The following GPHN variants were observed in gnomAD, a reference collection of about 807,000 sequenced individuals.
GPHN encodes the protein gephyrin.
GPHN carries 17 observed loss-of-function variants against 95.5 expected under a neutral mutation model. That is an observed-to-expected ratio of 0.18 (90% CI 0.12 to 0.27). GPHN has a LOEUF of 0.27. GPHN is among the 10% of genes least tolerant of loss of function. The pLI is 1.00. For missense variants in GPHN, 660 were observed against 978.1 expected, an observed-to-expected ratio of 0.67 and a Z score of 4.34; for synonymous variants, 320 against 322.5, an observed-to-expected ratio of 0.99 and a Z score of 0.08.
chr14:66,867,499 G>A (rs573419967), intron 4 of GPHN, among the ~76,000 whole-genome samples: 57 of 152,058 alleles, frequency 3.7e-4, no homozygotes, highest in African/African-American at 1.4e-3. Context: ...GGAGTTTGTC[G>A]TGGATGTAAC....
chr14:67,627,970 A>G, the GPHN span, among the ~76,000 whole-genome samples: 1 of 152,214 alleles, frequency 6.6e-6, no homozygotes, highest in African/African-American at 2.4e-5. Context: ...TTGGAAGAGT[A>G]AATGTCTAGC....
At chr14:67,568,871 G>A in the GPHN span, among the ~76,000 whole-genome samples, 3,647 of 152,206 alleles carry the variant, frequency 0.024, 156 homozygotes, top group African/African-American at 0.083. Flanking sequence ...GAACTGTTGG[G>A]CACTGATTAT....
At chr14:67,344,913 CAA>C in the GPHN span, among the ~76,000 whole-genome samples, 4 of 149,828 alleles carry the variant, frequency 2.7e-5, no homozygotes, top group Admixed American at 1.3e-4. Flanking sequence ...ACAAAAAAAA[CAA>C]GAGTGTACCA....
At chr14:66,759,755 G>C (rs2058694586) in intron 2 of GPHN, among the ~76,000 whole-genome samples, 1 of 152,130 alleles carries the variant, frequency 6.6e-6, no homozygotes, top group Non-Finnish European at 1.5e-5. Flanking sequence ...AGGCTGCTTT[G>C]ATCATATGGT....
At chr14:67,444,858 CAAGT>C in the GPHN span, among the ~76,000 whole-genome samples, 1 of 152,106 alleles carries the variant, frequency 6.6e-6, no homozygotes, top group Non-Finnish European at 1.5e-5. Context: ...CTCCTGGGTT[CAAGT>C]GATTCTCCTG....
the GPHN span, among the ~76,000 whole-genome samples, chr14:67,719,550 A>G: frequency 6.6e-6 from 1 of 152,036 alleles, no homozygotes; most frequent in Non-Finnish European, 1.5e-5. Context: ...TCATGGCTCA[A>G]TGCAGCCTCA....
At chr14:66,594,403 G>A (rs748706919) in intron 1 of GPHN, among the ~76,000 whole-genome samples, 8 of 152,116 alleles carry the variant, frequency 5.3e-5, no homozygotes, top group South Asian at 2.1e-4. Flanking sequence ...CTCATAGTGC[G>A]TGCTTTGAAA....
At chr14:66,817,436 G>A (rs1052553406) in intron 3 of GPHN, among the ~76,000 whole-genome samples, 1 of 152,038 alleles carries the variant, frequency 6.6e-6, no homozygotes. Flanking sequence ...AATATAAATT[G>A]GAAATAGTCA....
At chr14:67,415,029 C>A in the GPHN span, among the ~76,000 whole-genome samples, 1 of 152,194 alleles carries the variant, frequency 6.6e-6, no homozygotes, top group East Asian at 1.9e-4. Flanking sequence ...GAGCATCCTG[C>A]AGTGAGAGGG....
intron 18 of GPHN, among the ~76,000 whole-genome samples, chr14:67,144,250 A>AAAATATAT (rs1168342196): frequency 3.5e-4 from 20 of 57,772 alleles, no homozygotes; most frequent in South Asian, 1.5e-3. Context: ...AAAAAAAAAA[A>AAAATATAT]ATATATATAT....
At chr14:67,726,062 C>T in the GPHN span, 1 of 1,613,376 alleles carries the variant, frequency 6.2e-7, no homozygotes, top group Admixed American at 1.7e-5. Context: ...GGAAAAGCAG[C>T]TCCATATTCT....
At chr14:66,601,964 T>C (rs1420673204) in intron 1 of GPHN, among the ~76,000 whole-genome samples, 1 of 151,990 alleles carries the variant, frequency 6.6e-6, no homozygotes, top group African/African-American at 2.4e-5. Context: ...GTGATTATCA[T>C]TTCAGATTTG....
At chr14:67,080,035 C>G (rs1334781269) in intron 11 of GPHN, among the ~76,000 whole-genome samples, 1 of 152,034 alleles carries the variant, frequency 6.6e-6, no homozygotes, top group Non-Finnish European at 1.5e-5. Context: ...TTTATAACCC[C>G]ACCAGCTGTG....
chr14:66,771,715 T>C (rs111776478), intron 2 of GPHN, among the ~76,000 whole-genome samples: 1 of 111,946 alleles, frequency 8.9e-6, no homozygotes, highest in African/African-American at 3.5e-5. Flanking sequence ...CCCAATGCTA[T>C]CCCTCCCCCC....
At chr14:67,280,852 CT>C in the GPHN span, among the ~76,000 whole-genome samples, 1 of 125,306 alleles carries the variant, frequency 8.0e-6, no homozygotes, top group Non-Finnish European at 1.6e-5. Flanking sequence ...TCCTTCCTTC[CT>C]TCCCTCCCTC....
At chr14:67,015,603 A>G (rs565517532) in intron 9 of GPHN, among the ~76,000 whole-genome samples, 50 of 152,232 alleles carry the variant, frequency 3.3e-4, no homozygotes, top group Admixed American at 5.9e-4. Flanking sequence ...AGGCTGAGGC[A>G]GGAGAGTTGC....
the GPHN span, among the ~76,000 whole-genome samples, chr14:67,631,706 A>G: frequency 6.6e-6 from 1 of 152,130 alleles, no homozygotes; most frequent in Non-Finnish European, 1.5e-5. Context: ...TGTTGGGATT[A>G]CAGGTGTGAG....
intron 9 of GPHN, among the ~76,000 whole-genome samples, chr14:66,998,293 C>T (rs922932642): frequency 3.9e-5 from 6 of 151,910 alleles, no homozygotes; most frequent in Admixed American, 6.6e-5. Flanking sequence ...TAGGGTTTCT[C>T]TCTTTCACTC....
intron 11 of GPHN, among the ~76,000 whole-genome samples, chr14:67,063,995 A>C (rs2075932492): frequency 6.6e-6 from 1 of 152,188 alleles, no homozygotes; most frequent in Non-Finnish European, 1.5e-5. Flanking sequence ...GAGAGAAGAC[A>C]TCCTTGTGTT....
Sources: gnomAD v4.1 joint callset for allele counts (sites outside exome capture counted in the v4.1 genomes callset) on GRCh38, gnomAD v4.1.1 for gene constraint, MANE v1.5 for transcripts, NCBI Gene and HGNC (gene_info 2026-07-23, HGNC 2026-07-21) for gene names.